Variants in ATP2C1 observed in about 807,000 individuals in gnomAD.
ATP2C1 encodes calcium-transporting ATPase type 2C member 1.
Under a neutral mutation model 120.5 loss-of-function variants are expected in ATP2C1, and 31 were observed. That is an observed-to-expected ratio of 0.26 (90% CI 0.19 to 0.35). ATP2C1 has a LOEUF of 0.35. Among genes scored for constraint, ATP2C1 ranks in the 10% least tolerant of loss-of-function variants. ATP2C1 has a pLI of 1.00. For synonymous variants in ATP2C1, 351 were observed against 358.7 expected, an observed-to-expected ratio of 0.98 and a Z score of 0.24; for missense variants, 731 against 1,107.5, an observed-to-expected ratio of 0.66 and a Z score of 4.83.
chr3:130,953,076 C>CGTATGTATGTAT lies in ATP2C1; in HGVS notation c.532-716_532-705dup, dbSNP rs10576619. ...GCCCTAGTCCTCTCCCTCACTTGTTCGTATGTATGTATGTATGTATGTATG... is the reference window on the plus strand; with the variant it reads ...GCCCTAGTCCTCTCCCTCACTTGTTCGTATGTATGTATGTATGTATGTATGTATGTATGTATG... On this transcript the variant is annotated intron_variant, in intron 8 of 27. Coordinates refer to ENST00000510168, the MANE Select transcript of ATP2C1 (RefSeq NM_001378687.1). Among the ~76,000 whole-genome samples, 89 of 149,336 alleles carry CGTATGTATGTAT rather than the reference C, an allele frequency of 6.0e-4. 1 individual carries two copies. The highest frequency in any genetic ancestry group is 1.5e-3 in the African/African-American group (59 of 40,662).
At chr3:131,012,492 A>T (rs1045902034) in intron 26 of ATP2C1, among the ~76,000 whole-genome samples, 1 of 152,016 alleles carries the variant, frequency 6.6e-6, no homozygotes, top group Non-Finnish European at 1.5e-5. Flanking sequence ...TCCTGACCTC[A>T]AATGATCTGC....
chr3:130,998,532 A>G (rs1419934493), intron 26 of ATP2C1, 143 bp downstream of exon 26: 8 of 695,606 alleles, frequency 1.2e-5, no homozygotes, highest in Non-Finnish European at 2.1e-5. Context: ...GCCTTCTTAT[A>G]AACATGTGCC....
chr3:130,860,483 C>G (rs967064198), intron 1 of ATP2C1, among the ~76,000 whole-genome samples: 1 of 152,156 alleles, frequency 6.6e-6, no homozygotes, highest in Non-Finnish European at 1.5e-5. Context: ...TATTAAATGC[C>G]TTATATGTGT....
intron 20 of ATP2C1, among the ~76,000 whole-genome samples, chr3:130,989,565 CAA>C (rs56991562): frequency 2.1e-3 from 244 of 114,512 alleles, no homozygotes; most frequent in African/African-American, 3.2e-3. Context: ...AACTCCATCT[CAA>C]AAAAAAAAAA....
chr3:130,894,447 CGCTGGCGTGA>C lies in ATP2C1; in HGVS notation c.-181+116_-181+125del. On this transcript the variant is annotated intron_variant, in intron 1 of 27. Transcript: ENST00000510168. The surrounding 1 kb of genome is among the most constrained non-coding windows in gnomAD (Gnocchi z 4.5). ...GGGGGGCATCTCTAGGGCGCCGCCC[CGCTGGCGTGA>C]GCTGGGGACGTTGCGGGCACACGAC... is the stretch of plus-strand genomic sequence containing the variant. 1 of 1,316,086 alleles carries C rather than the reference CGCTGGCGTGA, an allele frequency of 7.6e-7. No individual in the cohort carries two copies. The highest frequency in any genetic ancestry group is 9.7e-7 in the Non-Finnish European group (1 of 1,027,160). 81.5% of individuals were successfully genotyped at this position (1,316,086 alleles called of 1,614,324 possible). A position where few individuals can be genotyped will look rare whatever the true frequency, so the allele number is the denominator to read the frequency against.
At chr3:130,903,862 C>A (rs1242408808) in intron 2 of ATP2C1, among the ~76,000 whole-genome samples, 1 of 151,882 alleles carries the variant, frequency 6.6e-6, no homozygotes, top group Non-Finnish European at 1.5e-5. Flanking sequence ...GGTATGATAC[C>A]CCTTTCCTCC....
Position 130,994,006 on chromosome 3 carries a change from A to G in ATP2C1, c.1965A>G (p.Ala655=). The G allele has an allele frequency of 6.2e-7, 1 of 1,614,184 alleles. No homozygotes were observed. Among genetic ancestry groups the G allele is most frequent in the Non-Finnish European group, 8.5e-7 (1 of 1,180,028 alleles). The part of the protein sequence containing the change: ...GVNDAVALKA[A]DIGVAMGQTG... ...ATGATGCAGTTGCTCTGAAGGCTGC[A>G]GACATTGGAGTTGCGATGGGCCAGA... is the stretch of plus-strand genomic sequence containing the variant. Residue 655 remains alanine (A), a synonymous_variant, in exon 22 of 28, where the codon GCA becomes GCG. Transcript: ENST00000510168.
intron 1 of ATP2C1, among the ~76,000 whole-genome samples, chr3:130,858,759 A>G (rs1434099181): frequency 6.6e-6 from 1 of 152,198 alleles, no homozygotes; most frequent in Non-Finnish European, 1.5e-5. Context: ...CTGCTTTTGT[A>G]TATGTGTTTG....
chr3:130,940,124 G>T (rs1207206437), intron 6 of ATP2C1, among the ~76,000 whole-genome samples: 1 of 152,188 alleles, frequency 6.6e-6, no homozygotes, highest in Non-Finnish European at 1.5e-5. Context: ...TGGGAACTGG[G>T]TCTGTCAGTA....
chr3:130,996,747 A>C lies in ATP2C1; in HGVS notation c.2194A>C (p.Met732Leu), dbSNP rs1262938456. The change falls in exon 24 of 28, where the codon ATG (methionine) becomes CTG (leucine). Residue 732 changes from methionine (M) to leucine (L), a missense_variant. Met to Leu is a conservative substitution (Grantham distance 15). Transcript: ENST00000510168. ...GAACTTTCCTAATCCTCTCAATGCC[A>C]TGCAGATTTTGTGGATCAATATTAT... ...LMNFPNPLNA[M>L]QILWINIIMD... 1 of 1,613,396 alleles carries C rather than the reference A, an allele frequency of 6.2e-7. No homozygotes were observed. The highest frequency in any genetic ancestry group is 8.5e-7 in the Non-Finnish European group (1 of 1,179,482).
intron 2 of ATP2C1, among the ~76,000 whole-genome samples, chr3:130,916,321 C>T (rs1332691434): frequency 6.6e-6 from 1 of 151,622 alleles, no homozygotes; most frequent in African/African-American, 2.4e-5. Context: ...GAGGCTGAGA[C>T]AGAAGAATTG....
At chr3:130,911,051 G>T (rs2058382481) in intron 2 of ATP2C1, among the ~76,000 whole-genome samples, 1 of 151,994 alleles carries the variant, frequency 6.6e-6, no homozygotes, top group African/African-American at 2.4e-5. Flanking sequence ...ACCTCTGATA[G>T]AATTTGGCTG....
chr3:130,961,350 A>G (rs1036587872), intron 12 of ATP2C1, among the ~76,000 whole-genome samples: 17 of 152,066 alleles, frequency 1.1e-4, no homozygotes, highest in African/African-American at 3.9e-4. Context: ...AAATTTTCAA[A>G]TAGAATAAAA....
chr3:130,991,556 TAAAGA>T (rs997615735), intron 20 of ATP2C1, among the ~76,000 whole-genome samples: 2 of 150,810 alleles, frequency 1.3e-5, no homozygotes, highest in African/African-American at 4.9e-5. Context: ...TTAAAAAAAA[TAAAGA>T]AAAAAAAGGG....
chr3:131,011,158 A>G (rs1004299639), intron 26 of ATP2C1, among the ~76,000 whole-genome samples: 1 of 152,236 alleles, frequency 6.6e-6, no homozygotes, highest in Non-Finnish European at 1.5e-5. Context: ...AGATGTCAAA[A>G]GGTTAATTTG....
At chr3:130,938,281 GT>G (rs1023793418) in intron 6 of ATP2C1, among the ~76,000 whole-genome samples, 1 of 152,196 alleles carries the variant, frequency 6.6e-6, no homozygotes, top group Non-Finnish European at 1.5e-5. Flanking sequence ...TTAGAACAGT[GT>G]TTCACAATAT....
At chr3:130,921,079 C>CTTTTTTTTTTT (rs1170193033) in intron 2 of ATP2C1, among the ~76,000 whole-genome samples, 4 of 128,560 alleles carry the variant, frequency 3.1e-5, no homozygotes, top group African/African-American at 6.0e-5. Context: ...AGTTTTCTTT[C>CTTTTTTTTTTT]TTTTTTTTTT....
intron 1 of ATP2C1, among the ~76,000 whole-genome samples, chr3:130,862,576 C>T (rs1486091435): frequency 6.6e-6 from 1 of 152,118 alleles, no homozygotes; most frequent in Admixed American, 6.5e-5. Context: ...AGAAAAGTTC[C>T]ATCGCCTAGC....
chr3:130,898,730 C>T (rs2069867443), intron 2 of ATP2C1, among the ~76,000 whole-genome samples: 1 of 152,092 alleles, frequency 6.6e-6, no homozygotes, highest in African/African-American at 2.4e-5. Flanking sequence ...TCTGTTAACG[C>T]AAAGCATTAT....
Sources: gnomAD v4.1 joint callset for allele counts (sites outside exome capture counted in the v4.1 genomes callset) on GRCh38, gnomAD v4.1.1 for gene constraint, Gnocchi (gnomAD v3.1) non-coding constraint, MANE v1.5 for transcripts, NCBI Gene and HGNC (gene_info 2026-07-23, HGNC 2026-07-21) for gene names.